TRHDE: variants seen among roughly 807,000 people sequenced by gnomAD.
The protein encoded by TRHDE is thyrotropin releasing hormone degrading enzyme.
TRHDE carries 72 observed loss-of-function variants against 125.7 expected under a neutral mutation model. The ratio of observed to expected loss-of-function variants is 0.57; its 90% CI spans 0.47 to 0.70. The LOEUF (loss-of-function observed/expected upper bound fraction) is 0.70, where lower values mean the gene tolerates loss of function less well. Ranked by LOEUF, TRHDE falls within the 30% of genes least tolerant of loss-of-function variation. TRHDE has a pLI of 0.00. For missense variants in TRHDE, 1,110 were observed against 1,327.1 expected (o/e 0.84, Z 2.54); for synonymous variants, 509 against 509.1 (o/e 1.00, Z 0.00).
At chr12:72,585,667 A>AGG (rs1043496176) in intron 12 of TRHDE, among the ~76,000 whole-genome samples, 2 of 152,238 alleles carry the variant, frequency 1.3e-5, no homozygotes, top group Non-Finnish European at 2.9e-5. Flanking sequence ...GAAGTCTGAC[A>AGG]GGGACTCAGC....
chr12:72,233,180 A>G (rs938391249), intron 2 of TRHDE, among the ~76,000 whole-genome samples: 4 of 152,220 alleles, frequency 2.6e-5, no homozygotes, highest in African/African-American at 9.6e-5. Flanking sequence ...GCTCTGGACA[A>G]TGAACCAGGA....
At chr12:72,421,416 A>T (rs531702917) in intron 3 of TRHDE, among the ~76,000 whole-genome samples, 9 of 152,184 alleles carry the variant, frequency 5.9e-5, no homozygotes, top group African/African-American at 2.2e-4. Flanking sequence ...TGGTCTCTCC[A>T]TGCGGTTTGA....
chr12:72,614,314 A>ATATATATATG lies in TRHDE; in HGVS notation c.2322-4568_2322-4567insGTATATATAT, dbSNP rs1555202240. On this transcript the variant is annotated intron_variant, in intron 12 of 18. Coordinates refer to ENST00000261180, the MANE Select transcript of TRHDE (RefSeq NM_013381.3). Reference sequence around the variant, plus strand: ...ATGGCTGGATTATATATACATATGTATATATATATATATATATTTTTTTTT... The same window carrying ATATATATATG: ...ATGGCTGGATTATATATACATATGTATATATATATGTATATATATATATATATTTTTTTTT... Among the ~76,000 whole-genome samples the ATATATATATG allele has an allele frequency of 1.9e-4, 24 of 129,512 alleles. 2 individuals carry two copies. Among genetic ancestry groups the ATATATATATG allele is most frequent in the Middle Eastern group, 4.0e-3 (1 of 248 alleles). 85.0% of individuals were successfully genotyped at this position (129,512 alleles called of 152,430 possible).
chr12:72,353,945 GAA>G (rs1446382365), intron 2 of TRHDE, among the ~76,000 whole-genome samples: 1 of 151,570 alleles, frequency 6.6e-6, no homozygotes, highest in Non-Finnish European at 1.5e-5. Context: ...GTGGCAGAGA[GAA>G]AGTCTCAAGA....
intron 12 of TRHDE, chr12:72,610,889 A>T (rs990780971): frequency 6.6e-6 from 1 of 152,440 alleles, no homozygotes; most frequent in African/African-American, 2.4e-5. Context: ...CCAAAAGAAG[A>T]TTCTGAAAAT....
At chr12:72,568,486 AC>A in intron 9 of TRHDE, 81 bp from the exon 10 acceptor site, 1 of 969,004 alleles carries the variant, frequency 1.0e-6, no homozygotes, top group Non-Finnish European at 1.6e-6. Context: ...TAAAAATCAC[AC>A]AGAAGGCGCA....
In TRHDE at chr12:72,597,714, T is replaced by TATATATAC. The variant is rs1592562767; in HGVS notation, c.2322-21170_2322-21169insCATATATA. Among the ~76,000 whole-genome samples the TATATATAC allele has an allele frequency of 2.3e-3, 3 of 1,306 alleles. No homozygotes were observed. The East Asian group carries it at 0.068, about 30-fold the overall frequency. 0.9% of individuals were successfully genotyped at this position (1,306 alleles called of 152,430 possible). On this transcript the variant is annotated intron_variant, in intron 12 of 18. Coordinates refer to ENST00000261180, the MANE Select transcript of TRHDE (RefSeq NM_013381.3). Reference sequence around the variant, plus strand: ...AGGTATATATATGTGTGTGTGTATGTATATATATATATATATATATATATA... The same window carrying TATATATAC: ...AGGTATATATATGTGTGTGTGTATGTATATATACATATATATATATATATATATATATA...
chr12:72,385,263 C>G (rs889184931), intron 3 of TRHDE, among the ~76,000 whole-genome samples: 2 of 151,848 alleles, frequency 1.3e-5, no homozygotes, highest in African/African-American at 4.8e-5. Context: ...ATCTTATACT[C>G]AGCTATTGTA....
intron 2 of TRHDE, among the ~76,000 whole-genome samples, chr12:72,346,918 C>T (rs1036420825): frequency 2.0e-5 from 3 of 151,976 alleles, no homozygotes; most frequent in African/African-American, 7.2e-5. Context: ...AGGAAGGATC[C>T]GCCTCAGGCT....
At chr12:72,624,858 T>C (rs922835879) in intron 15 of TRHDE, among the ~76,000 whole-genome samples, 4 of 151,568 alleles carry the variant, frequency 2.6e-5, no homozygotes, top group Admixed American at 1.3e-4. Flanking sequence ...TTGGTGGAGA[T>C]ACAATGCAAA....
At chr12:72,584,843 A>C (rs1871376037) in intron 12 of TRHDE, among the ~76,000 whole-genome samples, 1 of 152,222 alleles carries the variant, frequency 6.6e-6, no homozygotes, top group South Asian at 2.1e-4. Flanking sequence ...ATTGTGAATA[A>C]CTTTGCTGCA....
At chr12:72,169,139 C>CA (rs1394053453) in intron 2 of TRHDE, among the ~76,000 whole-genome samples, 1 of 140,540 alleles carries the variant, frequency 7.1e-6, no homozygotes, top group Non-Finnish European at 1.6e-5. Flanking sequence ...ATGAAACAGA[C>CA]TTTTTTTTTT....
chr12:72,391,265 C>T (rs1872601694), intron 3 of TRHDE, among the ~76,000 whole-genome samples: 1 of 152,102 alleles, frequency 6.6e-6, no homozygotes, highest in Admixed American at 6.6e-5. Context: ...TGCTGCTGCT[C>T]ATATACTTTG....
intron 12 of TRHDE, among the ~76,000 whole-genome samples, chr12:72,613,456 G>C (rs1294631718): frequency 6.6e-6 from 1 of 152,098 alleles, no homozygotes; most frequent in Non-Finnish European, 1.5e-5. Flanking sequence ...AAGTTTTATA[G>C]TATCTTTGGC....
intron 2 of TRHDE, among the ~76,000 whole-genome samples, chr12:72,319,274 G>A (rs1435485361): frequency 6.6e-6 from 1 of 152,090 alleles, no homozygotes; most frequent in Admixed American, 6.5e-5. Context: ...GAGAAGTGCT[G>A]CTGACCTTGG....
intron 3 of TRHDE, among the ~76,000 whole-genome samples, chr12:72,427,514 C>G (rs538012227): frequency 1.3e-5 from 2 of 152,192 alleles, no homozygotes; most frequent in Non-Finnish European, 2.9e-5. Context: ...AATACCGTCT[C>G]CCTCTATTTG....
intron 2 of TRHDE, among the ~76,000 whole-genome samples, 199 bp downstream of exon 2, chr12:72,287,153 A>G (rs572727620): frequency 2.6e-5 from 4 of 151,486 alleles, no homozygotes; most frequent in African/African-American, 4.8e-5. Flanking sequence ...TATACCCAGC[A>G]CTCTTATTCC....
intron 2 of TRHDE, among the ~76,000 whole-genome samples, chr12:72,199,721 G>GAGGCAGGT (rs1877517952): frequency 2.0e-5 from 3 of 152,172 alleles, no homozygotes. Flanking sequence ...AGGCTTTCAA[G>GAGGCAGGT]AGGCAGGTAA....
chr12:72,315,746 T>A (rs922820873), intron 2 of TRHDE, among the ~76,000 whole-genome samples: 1 of 152,234 alleles, frequency 6.6e-6, no homozygotes, highest in African/African-American at 2.4e-5. Context: ...TAGGCAGGAC[T>A]GCCTGATGCC....
Sources: gnomAD v4.1 joint callset for allele counts (sites outside exome capture counted in the v4.1 genomes callset) on GRCh38, gnomAD v4.1.1 for gene constraint, MANE v1.5 for transcripts, NCBI Gene and HGNC (gene_info 2026-07-23, HGNC 2026-07-21) for gene names.